NDRG3: variants seen among roughly 807,000 people sequenced by gnomAD.
NDRG3 encodes protein NDRG3.
NDRG3 carries 23 observed loss-of-function variants against 57.2 expected under a neutral mutation model. That is an observed-to-expected ratio of 0.40 (90% CI 0.29 to 0.57). The LOEUF (loss-of-function observed/expected upper bound fraction) is 0.57. NDRG3 is among the 20% of genes least tolerant of loss of function. The probability of loss-of-function intolerance (pLI) is 0.42; values close to 1 mark genes in which losing one functional copy is unlikely to be tolerated. For missense variants in NDRG3, 384 were observed against 457.3 expected (o/e 0.84, Z 1.46); for synonymous variants, 132 against 162.6 (o/e 0.81, Z 1.43).
At chr20:36,740,616 A>G (rs566903733) in intron 1 of NDRG3, among the ~76,000 whole-genome samples, 2 of 152,360 alleles carry the variant, frequency 1.3e-5, no homozygotes, top group South Asian at 4.1e-4. Context: ...TGCTGGGATT[A>G]CAGGCGTGAG....
intron 8 of NDRG3, among the ~76,000 whole-genome samples, chr20:36,672,828 C>CAA (rs1269407865): frequency 1.7e-5 from 2 of 118,080 alleles, no homozygotes; most frequent in Non-Finnish European, 3.7e-5. Context: ...GATTCCGTCT[C>CAA]AAAAAAAAAA....
chr20:36,734,261 G>A (rs1311967158), intron 1 of NDRG3, among the ~76,000 whole-genome samples: 1 of 151,788 alleles, frequency 6.6e-6, no homozygotes, highest in East Asian at 1.9e-4. Context: ...CTAATAAATG[G>A]CACAGCTGGA....
chr20:36,740,564 G>C (rs887695308), intron 1 of NDRG3, among the ~76,000 whole-genome samples: 1 of 152,116 alleles, frequency 6.6e-6, no homozygotes, highest in Non-Finnish European at 1.5e-5. Flanking sequence ...GGCTAGTCTC[G>C]AACTCCTGAC....
rs1482049809 is a variant in NDRG3 at position 36,653,753 on chromosome 20, C to T, written c.947-52G>A. Reference sequence around the variant, plus strand: ...AAGATGAAGCCCCGGTTAAGCCCAGCTAACCTAGGAGTCTCATCAAAGTCT... The same window carrying T: ...AAGATGAAGCCCCGGTTAAGCCCAGTTAACCTAGGAGTCTCATCAAAGTCT... On this transcript the variant is annotated intron_variant, in intron 15 of 15. Transcript: ENST00000349004. This position sits in a 1 kb window ranked among gnomAD's most constrained non-coding sequence, Gnocchi z 4.2. The T allele has an allele frequency of 1.3e-6, 2 of 1,543,596 alleles. No individual in the cohort carries two copies. Among genetic ancestry groups the T allele is most frequent in the South Asian group, 2.3e-5 (2 of 87,442 alleles).
chr20:36,744,967 AGG>A (rs34122149), intron 1 of NDRG3, among the ~76,000 whole-genome samples: 1,975 of 65,312 alleles, frequency 0.03, 52 homozygotes, highest in African/African-American at 0.058. Flanking sequence ...GGCCAGGGTA[AGG>A]GGGGGGGGGG....
chr20:36,702,432 G>A (rs143660926), intron 3 of NDRG3, among the ~76,000 whole-genome samples: 299 of 152,162 alleles, frequency 2.0e-3, no homozygotes, highest in African/African-American at 6.9e-3. Context: ...GACCGCGCCC[G>A]GCCCCAATAT....
intron 12 of NDRG3, among the ~76,000 whole-genome samples, 188 bp from the exon 13 acceptor site, chr20:36,660,572 T>A (rs6016163): frequency 0.013 from 1,942 of 147,660 alleles, 14 homozygotes; most frequent in East Asian, 0.016. Context: ...TTATTTATTT[T>A]TTTTTTGAGA....
At chr20:36,722,833 T>A (rs1984676187) in intron 1 of NDRG3, among the ~76,000 whole-genome samples, 1 of 152,088 alleles carries the variant, frequency 6.6e-6, no homozygotes, top group Non-Finnish European at 1.5e-5. Context: ...ACTAATAGAA[T>A]ATGGAGGAAG....
intron 3 of NDRG3, among the ~76,000 whole-genome samples, chr20:36,698,980 T>C (rs904608540): frequency 2.0e-5 from 3 of 152,170 alleles, no homozygotes; most frequent in Non-Finnish European, 2.9e-5. Flanking sequence ...CTCATTCTAG[T>C]GCCCAGGCTA....
At chr20:36,715,588 C>T (rs1408219887) in intron 2 of NDRG3, among the ~76,000 whole-genome samples, 1 of 143,260 alleles carries the variant, frequency 7.0e-6, no homozygotes, top group East Asian at 2.1e-4. Flanking sequence ...GAGGCCGAGG[C>T]AGGAGGATTG....
intron 2 of NDRG3, among the ~76,000 whole-genome samples, chr20:36,710,333 A>C (rs921981191): frequency 6.6e-6 from 1 of 152,076 alleles, no homozygotes; most frequent in South Asian, 2.1e-4. Flanking sequence ...ATAAATAAAT[A>C]AACAAATAAA....
At chr20:36,732,643 T>G (rs966876414) in intron 1 of NDRG3, among the ~76,000 whole-genome samples, 1 of 152,118 alleles carries the variant, frequency 6.6e-6, no homozygotes, top group African/African-American at 2.4e-5. Context: ...TACTTCACAT[T>G]CCTCCCCACC....
chr20:36,710,468 G>A (rs1447068214), intron 2 of NDRG3, among the ~76,000 whole-genome samples: 1 of 152,102 alleles, frequency 6.6e-6, no homozygotes, highest in Non-Finnish European at 1.5e-5. Context: ...TAGAAAAAAA[G>A]GGTCTAGAAA....
Position 36,746,087 on chromosome 20 carries a change from C to T in NDRG3, c.-91G>A. 1 of 224,744 alleles carries T rather than the reference C, an allele frequency of 4.4e-6. No homozygotes were observed. Among genetic ancestry groups the T allele is most frequent in the Non-Finnish European group, 7.5e-6 (1 of 133,818 alleles). 13.9% of individuals were successfully genotyped at this position (224,744 alleles called of 1,614,324 possible). A position where few individuals can be genotyped will look rare whatever the true frequency, so the allele number is the denominator to read the frequency against. On this transcript the variant is annotated 5_prime_UTR_variant, in exon 1 of 16. Coordinates refer to ENST00000349004, the MANE Select transcript of NDRG3 (RefSeq NM_032013.4). Reference sequence around the variant, plus strand: ...GCCGTCAGTGCAGCAGCAGCGGCGGCGGCGGCGGCGGCGGCGGCGGCGGCG... The same window carrying T: ...GCCGTCAGTGCAGCAGCAGCGGCGGTGGCGGCGGCGGCGGCGGCGGCGGCG...
At chr20:36,714,907 C>CCGGCCTATTTCTTTATAGATGAGAAATTT (rs1984143633) in intron 2 of NDRG3, among the ~76,000 whole-genome samples, 1 of 149,832 alleles carries the variant, frequency 6.7e-6, no homozygotes. Flanking sequence ...GCCACCGCGC[C>CCGGCCTATTTCTTTATAGATGAGAAATTT]AGGCCCAGCA....
At chr20:36,695,340 T>A (rs959286292) in intron 3 of NDRG3, among the ~76,000 whole-genome samples, 5 of 152,156 alleles carry the variant, frequency 3.3e-5, no homozygotes, top group African/African-American at 1.2e-4. Context: ...AAGAACTGGA[T>A]AACAGTGATG....
intron 3 of NDRG3, among the ~76,000 whole-genome samples, chr20:36,693,072 CAAAAAAAAAAAAAAAAAA>C (rs1166724972): frequency 1.8e-3 from 8 of 4,526 alleles, no homozygotes; most frequent in African/African-American, 3.1e-3. Context: ...GACCCTGTCT[CAAAAAAAAAAAAAAAAAA>C]AAAAAAAAAA....
rs141536942 is a variant in NDRG3 at position 36,736,514 on chromosome 20, T to G, written c.-49+9531A>C. Among the ~76,000 whole-genome samples, 8 of 152,312 alleles carry G rather than the reference T, an allele frequency of 5.3e-5. No individual in the cohort carries two copies. In the East Asian group the frequency reaches 1.5e-3, roughly 29 times the overall value. On this transcript the variant is annotated intron_variant, in intron 1 of 15. Coordinates refer to ENST00000349004, the MANE Select transcript of NDRG3 (RefSeq NM_032013.4). ...TACTGGGCTAAATTCCATACTTCAG[T>G]CTAGAAGATGCACAATTATCTGATG...
intron 1 of NDRG3, among the ~76,000 whole-genome samples, chr20:36,724,348 T>C (rs2148202968): frequency 6.6e-6 from 1 of 152,296 alleles, no homozygotes; most frequent in South Asian, 2.1e-4. Context: ...GGTTCTTTTG[T>C]CAGATCGCAG....
Sources: allele counts gnomAD v4.1 joint callset (sites outside exome capture counted in the v4.1 genomes callset), GRCh38; gene constraint gnomAD v4.1.1; non-coding constraint Gnocchi (gnomAD v3.1); transcripts MANE v1.5; gene names NCBI Gene and HGNC (gene_info 2026-07-23, HGNC 2026-07-21).